The following IPO8 variants were observed in gnomAD, a reference collection of about 807,000 sequenced individuals.
IPO8 encodes importin 8, also known as importin-8.
In IPO8, 65 loss-of-function variants were observed where a neutral mutation model predicts 141.2. The observed-to-expected ratio is 0.46, with a 90% CI of 0.38 to 0.57. IPO8 has a LOEUF of 0.57. Among genes scored for constraint, IPO8 ranks in the 20% least tolerant of loss-of-function variants. IPO8 has a pLI of 0.00. For synonymous variants in IPO8, 411 were observed against 420.3 expected, an observed-to-expected ratio of 0.98 and a Z score of 0.27; for missense variants, 980 against 1,246.8, an observed-to-expected ratio of 0.79 and a Z score of 3.22.
At chr12:30,673,916 T>C (rs529619685) in intron 8 of IPO8, 74 bp downstream of exon 8, 6 of 844,466 alleles carry the variant, frequency 7.1e-6, no homozygotes, top group Middle Eastern at 2.5e-4. Flanking sequence ...GTTTGTAACC[T>C]ACTTCCAGTA....
At chr12:30,677,293 CATA>C (rs1268099766) in intron 5 of IPO8, 2 of 370,156 alleles carry the variant, frequency 5.4e-6, no homozygotes, top group Non-Finnish European at 1.1e-5. Flanking sequence ...CGCCTAGTGA[CATA>C]GTAACCATCT....
At chr12:30,640,896 A>T (rs891396175) in intron 20 of IPO8, among the ~76,000 whole-genome samples, 2 of 152,216 alleles carry the variant, frequency 1.3e-5, no homozygotes, top group Admixed American at 6.5e-5. Flanking sequence ...TGTTTGAGAC[A>T]ATGGATATGC....
chr12:30,664,229 A>G (rs556981517), intron 13 of IPO8, among the ~76,000 whole-genome samples: 1 of 152,354 alleles, frequency 6.6e-6, no homozygotes, highest in East Asian at 1.9e-4. Context: ...CACAATTCAT[A>G]TAACTTCTCA....
rs751656185 is a variant in IPO8 at position 30,631,842 on chromosome 12, G to A, written c.3016+53C>T. Reference sequence around the variant, plus strand: ...GCCACCTGGCTCATCAAATAAGGCTGTCTGTTGGCACTCTGACACATGCAC... The same window carrying A: ...GCCACCTGGCTCATCAAATAAGGCTATCTGTTGGCACTCTGACACATGCAC... On this transcript the variant is annotated intron_variant, in intron 24 of 24. Transcript: ENST00000256079. The A allele has an allele frequency of 2.8e-4, 333 of 1,197,076 alleles. 1 individual carries two copies. The highest frequency in any genetic ancestry group is 3.8e-4 in the Non-Finnish European group (314 of 818,748). 74.2% of individuals were successfully genotyped at this position (1,197,076 alleles called of 1,614,324 possible). A position where few individuals can be genotyped will look rare whatever the true frequency, so the allele number is the denominator to read the frequency against.
At chr12:30,685,071 A>G (rs1268947234) in intron 2 of IPO8, among the ~76,000 whole-genome samples, 1 of 152,032 alleles carries the variant, frequency 6.6e-6, no homozygotes, top group East Asian at 1.9e-4. Context: ...AACCTTTAAC[A>G]AAAGGCTTCT....
At chr12:30,677,598 A>C (rs1337522738) in intron 5 of IPO8, among the ~76,000 whole-genome samples, 1 of 152,114 alleles carries the variant, frequency 6.6e-6, no homozygotes, top group Non-Finnish European at 1.5e-5. Flanking sequence ...TGCCCCTGAA[A>C]TGAAGACACT....
chr12:30,654,410 CAAAGA>C (rs1338146394), intron 17 of IPO8, among the ~76,000 whole-genome samples: 1 of 150,990 alleles, frequency 6.6e-6, no homozygotes, highest in Non-Finnish European at 1.5e-5. Flanking sequence ...TTTTGCATAG[CAAAGA>C]AAACAATTCA....
At chr12:30,653,166 GT>G in intron 17 of IPO8, 74 bp from the exon 18 acceptor site, 2 of 1,365,902 alleles carry the variant, frequency 1.5e-6, no homozygotes, top group Non-Finnish European at 2.0e-6. Flanking sequence ...ACAGAGGAGG[GT>G]TTAGACTACC....
At position 30,645,126 on chromosome 12, in the gene IPO8, C is replaced by A. The variant is rs566726138; in HGVS notation, c.2268+4011G>T. Among the ~76,000 whole-genome samples, 11 of 151,946 alleles carry A rather than the reference C, an allele frequency of 7.2e-5. No individual in the cohort carries two copies. The East Asian group carries it at 1.4e-3, about 19-fold the overall frequency. ...CGGTGGCTCACGCCTGTAATCCCAG[C>A]ACTTTGGGGGGCTGAGGCTGGTGAT... is the stretch of plus-strand genomic sequence containing the variant. On this transcript the variant is annotated intron_variant, in intron 20 of 24. Coordinates refer to ENST00000256079, the MANE Select transcript of IPO8 (RefSeq NM_006390.4).
intron 8 of IPO8, among the ~76,000 whole-genome samples, chr12:30,672,838 T>A (rs1489127743): frequency 6.6e-6 from 1 of 152,176 alleles, no homozygotes; most frequent in East Asian, 1.9e-4. Context: ...AACTGTTGCA[T>A]TGTACTTTTT....
At chr12:30,678,722 A>G (rs1326533300) in intron 5 of IPO8, among the ~76,000 whole-genome samples, 3 of 152,178 alleles carry the variant, frequency 2.0e-5, no homozygotes, top group African/African-American at 7.2e-5. Flanking sequence ...TTTGGAAGCC[A>G]TTTGGATTTG....
rs2052408658 is a variant in IPO8 at position 30,630,022 on chromosome 12, A to G, written c.*838T>C. The G allele has an allele frequency of 6.6e-6, 1 of 152,212 alleles. No individual in the cohort carries two copies. Among genetic ancestry groups the G allele is most frequent in the Non-Finnish European group, 1.5e-5 (1 of 68,036 alleles). 9.4% of individuals were successfully genotyped at this position (152,212 alleles called of 1,614,324 possible). A position where few individuals can be genotyped will look rare whatever the true frequency, so the allele number is the denominator to read the frequency against. ...ATGATTATCAATTAATTGCATAATT[A>G]CATTATTCAGAATATACTCAGACTT... On this transcript the variant is annotated 3_prime_UTR_variant, in exon 25 of 25. Transcript: ENST00000256079.
At position 30,639,541 on chromosome 12, in the gene IPO8, C is replaced by G; in HGVS notation, c.2463G>C (p.Trp821Cys). 6.2e-7 allele frequency: 1 copy of G among 1,612,508 alleles called. No homozygotes were observed. The highest frequency in any genetic ancestry group is 1.1e-5 in the South Asian group (1 of 91,044). The part of the protein sequence containing the change: ...GPITVQFINQ[W>C]MNDTDCFLGH... ...CAAGAAAACAATCTGTATCATTCAT[C>G]CATTGATTTATAAACTGTACAGTGA... Residue 821 changes from tryptophan (W) to cysteine (C), a missense_variant, in exon 21 of 25, where the codon TGG (tryptophan) becomes TGC (cysteine). Transcript: ENST00000256079.
intron 16 of IPO8, among the ~76,000 whole-genome samples, chr12:30,658,166 T>C (rs1430526938): frequency 2.6e-5 from 4 of 152,208 alleles, no homozygotes; most frequent in African/African-American, 9.6e-5. Context: ...AATTTCCCAC[T>C]TTAAAAAACT....
chr12:30,638,935 T>C (rs944544743), intron 21 of IPO8, among the ~76,000 whole-genome samples: 1 of 152,054 alleles, frequency 6.6e-6, no homozygotes. Flanking sequence ...CCTCCCAAAG[T>C]GCTGGGATTA....
chr12:30,670,433 T>TTTAGCTAAATAAA (rs1394858029), intron 9 of IPO8, among the ~76,000 whole-genome samples: 4 of 152,194 alleles, frequency 2.6e-5, no homozygotes, highest in Admixed American at 6.5e-5. Flanking sequence ...CCATTTGTTC[T>TTTAGCTAAATAAA]TTAGCTAAAT....
chr12:30,645,675 G>C (rs1017750397), intron 20 of IPO8, among the ~76,000 whole-genome samples: 2 of 151,426 alleles, frequency 1.3e-5, no homozygotes, highest in Admixed American at 1.3e-4. Flanking sequence ...AACAAAACAG[G>C]GTCATTACTA....
intron 22 of IPO8, 44 bp downstream of exon 22, chr12:30,636,938 A>T: frequency 1.3e-6 from 2 of 1,531,756 alleles, no homozygotes; most frequent in Non-Finnish European, 1.8e-6. Flanking sequence ...TGCATACACA[A>T]ATCAAAATCA....
chr12:30,635,576 T>C (rs1166159812), intron 22 of IPO8, among the ~76,000 whole-genome samples: 2 of 152,128 alleles, frequency 1.3e-5, no homozygotes, highest in Non-Finnish European at 2.9e-5. Context: ...TCCTAGCAGT[T>C]AGATTGTAAC....
Sources: allele counts gnomAD v4.1 joint callset (sites outside exome capture counted in the v4.1 genomes callset), GRCh38; gene constraint gnomAD v4.1.1; transcripts MANE v1.5; gene names NCBI Gene and HGNC (gene_info 2026-07-23, HGNC 2026-07-21).